The following ERC2 variants were observed in gnomAD, a reference collection of about 807,000 sequenced individuals.
The protein encoded by ERC2 is ELKS/RAB6-interacting/CAST family member 2, also known as ERC protein 2.
Under a neutral mutation model 114.8 loss-of-function variants are expected in ERC2, and 42 were observed. The ratio of observed to expected loss-of-function variants is 0.37; its 90% CI spans 0.29 to 0.47. ERC2 has a LOEUF of 0.47. ERC2 is among the 20% of genes least tolerant of loss of function. The pLI is 0.99. For missense variants in ERC2, 939 were observed against 1,150.7 expected (o/e 0.82, Z 2.66); for synonymous variants, 454 against 425.5 (o/e 1.07, Z -0.82).
At chr3:56,340,934 A>C (rs2058065423) in intron 2 of ERC2, among the ~76,000 whole-genome samples, 1 of 151,700 alleles carries the variant, frequency 6.6e-6, no homozygotes, top group South Asian at 2.1e-4. Flanking sequence ...TTTTCAAAAG[A>C]AAAAAAAAGT....
chr3:56,114,600 T>A (rs1036609342), intron 6 of ERC2, among the ~76,000 whole-genome samples: 1 of 152,132 alleles, frequency 6.6e-6, no homozygotes, highest in Non-Finnish European at 1.5e-5. Context: ...TTATAAAGGA[T>A]ACAACCCAGG....
At chr3:55,694,500 G>A (rs1045833439) in intron 16 of ERC2, among the ~76,000 whole-genome samples, 4 of 152,076 alleles carry the variant, frequency 2.6e-5, no homozygotes, top group African/African-American at 9.7e-5. Context: ...TTTAGAAGTT[G>A]GTTTTCTGTA....
At chr3:55,934,301 C>G (rs2066305697) in intron 13 of ERC2, among the ~76,000 whole-genome samples, 1 of 152,112 alleles carries the variant, frequency 6.6e-6, no homozygotes, top group African/African-American at 2.4e-5. Flanking sequence ...CGAGTTAAAA[C>G]ATATCAGAAT....
In ERC2 at chr3:56,367,607, G is replaced by A. The variant is rs565276736; in HGVS notation, c.657+66744C>T. On this transcript the variant is annotated intron_variant, in intron 2 of 17. Coordinates refer to ENST00000288221, the MANE Select transcript of ERC2 (RefSeq NM_015576.3). ...ACTGTGGAATTTAAACCTTGGTCTT[G>A]AGCTGAATGAAGAGCTAGCAACTAT... is the stretch of plus-strand genomic sequence containing the variant. Among the ~76,000 whole-genome samples the A allele has an allele frequency of 1.2e-4, 18 of 152,254 alleles. No individual in the cohort carries two copies. The South Asian group carries it at 3.7e-3, about 32-fold the overall frequency.
intron 15 of ERC2, among the ~76,000 whole-genome samples, chr3:55,713,092 G>A (rs1248290493): frequency 5.6e-5 from 7 of 123,954 alleles, no homozygotes; most frequent in Non-Finnish European, 1.2e-4. Context: ...TAGTTCCTCT[G>A]CCATTCTCTC....
At chr3:56,022,104 C>T (rs1324545222) in intron 7 of ERC2, among the ~76,000 whole-genome samples, 1 of 152,090 alleles carries the variant, frequency 6.6e-6, no homozygotes, top group Non-Finnish European at 1.5e-5. Flanking sequence ...GGGATATTGG[C>T]ATATTTAAAC....
intron 6 of ERC2, among the ~76,000 whole-genome samples, chr3:56,138,992 A>C (rs1472333832): frequency 3.9e-5 from 6 of 152,226 alleles, no homozygotes; most frequent in Non-Finnish European, 5.9e-5. Context: ...CTTAGTAAAC[A>C]AGAACCCTTT....
At chr3:55,675,149 C>T (rs1254887332) in intron 17 of ERC2, among the ~76,000 whole-genome samples, 1 of 152,198 alleles carries the variant, frequency 6.6e-6, no homozygotes, top group Non-Finnish European at 1.5e-5. Flanking sequence ...AGTGGAAGTT[C>T]TCAGTTGCTG....
chr3:55,515,849 G>A (rs2052459971), intron 17 of ERC2, among the ~76,000 whole-genome samples: 1 of 152,094 alleles, frequency 6.6e-6, no homozygotes, highest in East Asian at 1.9e-4. Flanking sequence ...CCCGATTATG[G>A]CTTTCTTCTC....
intron 13 of ERC2, among the ~76,000 whole-genome samples, chr3:55,931,215 C>A (rs1370851413): frequency 1.3e-5 from 2 of 152,112 alleles, no homozygotes; most frequent in Non-Finnish European, 2.9e-5. Flanking sequence ...GGATCTAGAA[C>A]CTGAAATAAC....
At chr3:55,751,496 A>G (rs772691799) in intron 14 of ERC2, among the ~76,000 whole-genome samples, 40 of 152,116 alleles carry the variant, frequency 2.6e-4, no homozygotes, top group Non-Finnish European at 5.1e-4. Context: ...ATTTTGTTGG[A>G]TTTTAGCACA....
intron 7 of ERC2, among the ~76,000 whole-genome samples, chr3:56,061,064 T>G (rs986885859): frequency 6.6e-6 from 1 of 152,220 alleles, no homozygotes; most frequent in Non-Finnish European, 1.5e-5. Context: ...GGAATTCAAG[T>G]TGCTTGTTGC....
At chr3:56,417,567 C>G (rs986819264) in intron 2 of ERC2, among the ~76,000 whole-genome samples, 1 of 152,140 alleles carries the variant, frequency 6.6e-6, no homozygotes, top group Non-Finnish European at 1.5e-5. Context: ...TCTAATTCCA[C>G]TGACTCTATA....
At chr3:55,704,380 AT>A (rs1046409853) in intron 15 of ERC2, among the ~76,000 whole-genome samples, 92 of 152,384 alleles carry the variant, frequency 6.0e-4, no homozygotes, top group African/African-American at 2.1e-3. Flanking sequence ...TACGGTTTAA[AT>A]AGAAAAAAAT....
chr3:55,877,079 C>A (rs371382290), intron 14 of ERC2, among the ~76,000 whole-genome samples: 1 of 152,054 alleles, frequency 6.6e-6, no homozygotes, highest in Non-Finnish European at 1.5e-5. Flanking sequence ...TAAGAAACAC[C>A]AGTATAAAAA....
At chr3:55,831,817 G>GCCCC (rs1286259177) in intron 14 of ERC2, among the ~76,000 whole-genome samples, 1 of 152,234 alleles carries the variant, frequency 6.6e-6, no homozygotes. Context: ...CCTCACTCGG[G>GCCCC]AAGTGCAAGG....
intron 4 of ERC2, among the ~76,000 whole-genome samples, chr3:56,161,835 G>C (rs1473255749): frequency 2.0e-5 from 3 of 152,124 alleles, no homozygotes; most frequent in Non-Finnish European, 4.4e-5. Flanking sequence ...TCAGTGAAGA[G>C]ATATAGCTTG....
At chr3:56,232,124 C>T (rs967104885) in intron 3 of ERC2, among the ~76,000 whole-genome samples, 1 of 150,480 alleles carries the variant, frequency 6.6e-6, no homozygotes, top group African/African-American at 2.4e-5. Flanking sequence ...GCATGCACCA[C>T]CACTCCTGGC....
At chr3:56,242,952 T>G (rs937571957) in intron 3 of ERC2, among the ~76,000 whole-genome samples, 3 of 152,216 alleles carry the variant, frequency 2.0e-5, no homozygotes, top group Non-Finnish European at 4.4e-5. Context: ...GTTTCACACT[T>G]GCCCTTATTC....
Sources: gnomAD v4.1 joint callset for allele counts (sites outside exome capture counted in the v4.1 genomes callset) on GRCh38, gnomAD v4.1.1 for gene constraint, MANE v1.5 for transcripts, NCBI Gene and HGNC (gene_info 2026-07-23, HGNC 2026-07-21) for gene names.